The following SUCLA2 variants were observed in gnomAD, a reference collection of about 807,000 sequenced individuals.
The protein encoded by SUCLA2 is succinate--CoA ligase [ADP-forming] subunit beta, mitochondrial.
In SUCLA2, 30 loss-of-function variants were observed where a neutral mutation model predicts 54.8. The observed-to-expected ratio is 0.55, with a 90% CI of 0.41 to 0.74. SUCLA2 has a LOEUF of 0.74. Among genes scored for constraint, SUCLA2 ranks in the 30% least tolerant of loss-of-function variants. The pLI is 0.00. For missense variants in SUCLA2, 476 were observed against 562.9 expected (o/e 0.85, Z 1.56); for synonymous variants, 172 against 188.9 (o/e 0.91, Z 0.74).
intron 10 of SUCLA2, among the ~76,000 whole-genome samples, chr13:47,944,823 C>G (rs1326140): frequency 0.73 from 110,911 of 152,042 alleles, 41,407 homozygotes; most frequent in Non-Finnish European, 0.82. Context: ...CACATTAACT[C>G]GGTAAATTCA....
chr13:47,966,425 A>G (rs1266905771), intron 6 of SUCLA2, among the ~76,000 whole-genome samples: 1 of 151,972 alleles, frequency 6.6e-6, no homozygotes, highest in African/African-American at 2.4e-5. Context: ...TATAAATTGC[A>G]TAAGGATCCA....
intron 5 of SUCLA2, 108 bp downstream of exon 5, chr13:47,973,156 A>G (rs1949982262): frequency 2.1e-6 from 2 of 962,790 alleles, no homozygotes; most frequent in South Asian, 2.8e-5. Context: ...CTTTCCTGAC[A>G]CTCAAAATGT....
intron 2 of SUCLA2, among the ~76,000 whole-genome samples, chr13:47,994,161 T>C (rs1020232452): frequency 2.6e-5 from 4 of 151,938 alleles, no homozygotes; most frequent in African/African-American, 4.8e-5. Flanking sequence ...AAACTCAGCA[T>C]TGGGAATTGC....
In SUCLA2 at chr13:47,968,837, G is replaced by A. The variant is rs1172111210; in HGVS notation, c.664-104C>T. On this transcript the variant is annotated intron_variant, in intron 5 of 10. Coordinates refer to ENST00000646932, the MANE Select transcript of SUCLA2 (RefSeq NM_003850.3). ...TTTATCACTTAAATGATAAACATGA[G>A]TCATTTATAGTCAAACATTACTGAA... 7.2e-6 allele frequency: 9 copies of A among 1,257,876 alleles called. No individual in the cohort carries two copies. The East Asian group carries it at 1.3e-4, about 18-fold the overall frequency. 77.9% of individuals were successfully genotyped at this position (1,257,876 alleles called of 1,614,324 possible).
At chr13:47,966,027 G>A (rs560675049) in intron 6 of SUCLA2, among the ~76,000 whole-genome samples, 20 of 152,250 alleles carry the variant, frequency 1.3e-4, no homozygotes, top group African/African-American at 4.1e-4. Context: ...CAGCCTGGGC[G>A]ACAGAGCAAG....
chr13:47,994,960 T>A, intron 2 of SUCLA2: 1 of 615,936 alleles, frequency 1.6e-6, no homozygotes, highest in Non-Finnish European at 2.0e-6. Context: ...TTAATCCTAT[T>A]CATTTTATGA....
At chr13:47,948,580 G>A (rs1456945377) in intron 10 of SUCLA2, among the ~76,000 whole-genome samples, 2 of 152,086 alleles carry the variant, frequency 1.3e-5, no homozygotes, top group Admixed American at 1.3e-4. Context: ...GCTTAAGTCA[G>A]TTTAGCCAGG....
chr13:47,957,176 T>C (rs573609773), intron 6 of SUCLA2, among the ~76,000 whole-genome samples: 1 of 152,282 alleles, frequency 6.6e-6, no homozygotes, highest in South Asian at 2.1e-4. Context: ...TTCTTACACA[T>C]TGTTACATTT....
At chr13:47,981,510 T>C (rs887395156) in intron 4 of SUCLA2, among the ~76,000 whole-genome samples, 1 of 152,072 alleles carries the variant, frequency 6.6e-6, no homozygotes, top group Admixed American at 6.5e-5. Context: ...CTGCTGTTAG[T>C]TGGAATATAA....
intron 2 of SUCLA2, chr13:47,994,777 G>C: frequency 1.1e-5 from 11 of 960,758 alleles, no homozygotes; most frequent in Non-Finnish European, 1.2e-5. Context: ...TGTTCCAAGG[G>C]GCTCAAAATC....
chr13:47,972,099 A>G, intron 5 of SUCLA2: 1 of 364,018 alleles, frequency 2.7e-6, no homozygotes, highest in East Asian at 3.9e-5. Flanking sequence ...AAAACAAAAT[A>G]CAAAAATTAG....
At chr13:48,000,423 CATA>C (rs1257423153) in intron 1 of SUCLA2, among the ~76,000 whole-genome samples, 1 of 152,162 alleles carries the variant, frequency 6.6e-6, no homozygotes, top group African/African-American at 2.4e-5. Context: ...TTCTCTTAAC[CATA>C]ATATGTTCAA....
chr13:47,943,478 AG>A (rs1566079064), intron 10 of SUCLA2, 33 bp from the exon 11 acceptor site: 1 of 1,608,094 alleles, frequency 6.2e-7, no homozygotes, highest in East Asian at 2.2e-5. Flanking sequence ...TTTCACAAAA[AG>A]GTAAATTCAG....
chr13:47,985,067 T>C (rs535987052), intron 4 of SUCLA2, among the ~76,000 whole-genome samples: 1 of 152,322 alleles, frequency 6.6e-6, no homozygotes, highest in East Asian at 1.9e-4. Flanking sequence ...GGTACTTGAA[T>C]TCACTTTCTG....
intron 4 of SUCLA2, among the ~76,000 whole-genome samples, chr13:47,982,019 G>T (rs1219644817): frequency 6.6e-6 from 1 of 152,144 alleles, no homozygotes; most frequent in Non-Finnish European, 1.5e-5. Flanking sequence ...CGGTACAGCT[G>T]CTATGGAAAA....
intron 6 of SUCLA2, among the ~76,000 whole-genome samples, chr13:47,960,436 A>G (rs2137702922): frequency 6.6e-6 from 1 of 152,302 alleles, no homozygotes; most frequent in East Asian, 1.9e-4. Flanking sequence ...AATAATAATA[A>G]AAGACAAGTT....
intron 4 of SUCLA2, among the ~76,000 whole-genome samples, chr13:47,985,899 G>GTTGTTT (rs1003159829): frequency 2.0e-5 from 3 of 151,994 alleles, no homozygotes; most frequent in Admixed American, 6.6e-5. Flanking sequence ...ACCAGCATCT[G>GTTGTTT]TTGTTTTTTG....
chr13:47,998,529 T>G (rs78243535), intron 1 of SUCLA2, among the ~76,000 whole-genome samples: 9,588 of 152,148 alleles, frequency 0.063, 360 homozygotes, highest in Middle Eastern at 0.095. Flanking sequence ...ATGGATAAAC[T>G]GTGGTATATG....
intron 6 of SUCLA2, chr13:47,965,508 C>CAAAA (rs1949910767): frequency 3.5e-6 from 1 of 281,820 alleles, no homozygotes; most frequent in Non-Finnish European, 6.2e-6. Context: ...AAAAAAAAAA[C>CAAAA]AAACAAACAA....
Sources: gnomAD v4.1 joint callset for allele counts (sites outside exome capture counted in the v4.1 genomes callset) on GRCh38, gnomAD v4.1.1 for gene constraint, MANE v1.5 for transcripts, NCBI Gene and HGNC (gene_info 2026-07-23, HGNC 2026-07-21) for gene names.